MCPH1: variants seen among roughly 807,000 people sequenced by gnomAD.
MCPH1 encodes microcephalin 1.
Under a neutral mutation model 84.5 loss-of-function variants are expected in MCPH1, and 104 were observed. The observed-to-expected ratio is 1.23, with a 90% CI of 1.05 to 1.45. The LOEUF (loss-of-function observed/expected upper bound fraction) is 1.45. Ranked by LOEUF, MCPH1 falls within the 40% of genes most tolerant of loss-of-function variation. The pLI, the probability that MCPH1 is intolerant of heterozygous loss-of-function variation, is 0.00. For missense variants in MCPH1, 1,498 were observed against 1,005.7 expected, an observed-to-expected ratio of 1.49 and a Z score of -6.62; for synonymous variants, 514 against 366.8, an observed-to-expected ratio of 1.40 and a Z score of -4.58.
chr8:6,464,344 C>T (rs2515583), intron 9 of MCPH1, among the ~76,000 whole-genome samples: 2 of 152,044 alleles, frequency 1.3e-5, no homozygotes, highest in African/African-American at 4.8e-5. Flanking sequence ...ACAGCTGCCT[C>T]TTGATAGCCT....
chr8:6,578,515 T>C (rs576618042), intron 12 of MCPH1, among the ~76,000 whole-genome samples: 33 of 152,352 alleles, frequency 2.2e-4, no homozygotes, highest in African/African-American at 7.7e-4. Flanking sequence ...AAATACTTGA[T>C]CATTTTCTAA....
chr8:6,594,840 C>T (rs749968831), intron 12 of MCPH1, among the ~76,000 whole-genome samples: 52 of 152,250 alleles, frequency 3.4e-4, no homozygotes, highest in Non-Finnish European at 5.0e-4. Context: ...GACCTGCCCT[C>T]GGGGTCAGAG....
rs747489687 is a variant in MCPH1, at chr8:6,444,625, CTTGCAAAGAAATA to C, written c.909_921del (p.Arg304ValfsTer3). The C allele has an allele frequency of 7.6e-5, 122 of 1,614,166 alleles. No individual in the cohort carries two copies. The highest frequency in any genetic ancestry group is 2.5e-6 in the Non-Finnish European group (3 of 1,180,020). ...GTAATCTTTCAAAGGAAGAAATAAA[CTTGCAAAGAAATA>C]TTGCAGGTAAAGTAGTCACCCCTGA... On this transcript the variant is annotated frameshift_variant, in exon 8 of 14. Coordinates refer to ENST00000344683, the MANE Select transcript of MCPH1 (RefSeq NM_024596.5). LOFTEE classifies it high-confidence loss of function.
chr8:6,549,823 T>G (rs1823296269), intron 12 of MCPH1, among the ~76,000 whole-genome samples: 1 of 152,190 alleles, frequency 6.6e-6, no homozygotes, highest in African/African-American at 2.4e-5. Context: ...ATACAAAAAT[T>G]TACCAAGTTG....
At chr8:6,492,764 AATT>A (rs1810790173) in intron 11 of MCPH1, among the ~76,000 whole-genome samples, 1 of 149,690 alleles carries the variant, frequency 6.7e-6, no homozygotes, top group Non-Finnish European at 1.5e-5. Context: ...AATATTATAA[AATT>A]AATAATCTTT....
chr8:6,640,898 C>A (rs535478117), intron 13 of MCPH1, among the ~76,000 whole-genome samples: 1 of 152,252 alleles, frequency 6.6e-6, no homozygotes, highest in South Asian at 2.1e-4. Context: ...TGACACTGAC[C>A]TATATTGCCC....
intron 12 of MCPH1, among the ~76,000 whole-genome samples, chr8:6,584,791 A>T (rs1827839083): frequency 1.3e-5 from 2 of 152,218 alleles, no homozygotes. Flanking sequence ...TATTTGGGGA[A>T]GTCCTTGCTT....
At chr8:6,507,252 T>G (rs772820538) in intron 12 of MCPH1, among the ~76,000 whole-genome samples, 1 of 152,192 alleles carries the variant, frequency 6.6e-6, no homozygotes, top group South Asian at 2.1e-4. Flanking sequence ...TCCATTTGTT[T>G]AATGTAGTAA....
chr8:6,518,601 T>A lies in MCPH1; in HGVS notation c.2214+18672T>A, dbSNP rs1586302891. On this transcript the variant is annotated intron_variant, in intron 12 of 13. Coordinates refer to ENST00000344683, the MANE Select transcript of MCPH1 (RefSeq NM_024596.5). The stretch of plus-strand genomic sequence containing the variant: ...TTCCAGGTCTTTAAAACCCTAATGC[T>A]TGTATTTTTAAAGTGTTTTTCTTTG... 3.9e-5 allele frequency among the ~76,000 whole-genome samples: 6 copies of A among 152,332 alleles called. No individual in the cohort carries two copies. In the South Asian group the frequency reaches 1.2e-3, roughly 32 times the overall value.
chr8:6,434,755 C>T (rs548588255), intron 4 of MCPH1, among the ~76,000 whole-genome samples: 41 of 152,272 alleles, frequency 2.7e-4, no homozygotes, highest in Non-Finnish European at 5.6e-4. Context: ...TTAGCGTTTA[C>T]GTGGGTAGCT....
chr8:6,568,004 G>A (rs558799294), intron 12 of MCPH1, among the ~76,000 whole-genome samples: 15 of 152,110 alleles, frequency 9.9e-5, no homozygotes, highest in Middle Eastern at 3.4e-3. Flanking sequence ...ATTCTGTGTC[G>A]GCAACTGACA....
intron 12 of MCPH1, chr8:6,521,446 A>T: frequency 7.2e-7 from 1 of 1,385,864 alleles, no homozygotes; most frequent in Non-Finnish European, 1.0e-6. Flanking sequence ...AGTGAAGGCT[A>T]TTCTAATGAA....
rs148183068 is a variant in MCPH1, at chr8:6,601,261, C to A, written c.2215-20193C>A. Among the ~76,000 whole-genome samples the A allele has an allele frequency of 3.3e-5, 5 of 152,318 alleles. No individual in the cohort carries two copies. In the East Asian group the frequency reaches 9.6e-4, roughly 29 times the overall value. On this transcript the variant is annotated intron_variant, in intron 12 of 13. Coordinates refer to ENST00000344683, the MANE Select transcript of MCPH1 (RefSeq NM_024596.5). ...GCAGGTGCATCTCTGGAAAACAGTT[C>A]TCATCAGGGCACCCTGTGCTTCCCA...
intron 10 of MCPH1, among the ~76,000 whole-genome samples, chr8:6,478,598 C>T (rs552912930): frequency 5.3e-5 from 8 of 152,128 alleles, no homozygotes; most frequent in African/African-American, 1.9e-4. Flanking sequence ...AGAATAAGAC[C>T]TGGACATTCT....
At chr8:6,501,848 G>A (rs991827675) in intron 12 of MCPH1, 7 of 151,396 alleles carry the variant, frequency 4.6e-5, no homozygotes, top group East Asian at 1.9e-4. Context: ...GAGCCACTGC[G>A]CCCAGCCCTG....
chr8:6,455,127 T>G lies in MCPH1; in HGVS notation c.1826-16T>G. The G allele has an allele frequency of 6.3e-7, 1 of 1,597,270 alleles. No homozygotes were observed. The highest frequency in any genetic ancestry group is 8.6e-7 in the Non-Finnish European group (1 of 1,164,658). On this transcript the variant is annotated splice_polypyrimidine_tract_variant and intron_variant, in intron 8 of 13. Coordinates refer to ENST00000344683, the MANE Select transcript of MCPH1 (RefSeq NM_024596.5). ...ATGTAAAGTTCTAACTAATTTTTAA[T>G]CCCCTTGGGTTTTAGGTGTTAAAAA...
chr8:6,612,660 C>G (rs1489580601), intron 12 of MCPH1, among the ~76,000 whole-genome samples: 1 of 152,246 alleles, frequency 6.6e-6, no homozygotes, highest in Non-Finnish European at 1.5e-5. Context: ...TCTGTTCCGA[C>G]CTCCCCTGCC....
chr8:6,542,217 T>C (rs574829438), intron 12 of MCPH1, among the ~76,000 whole-genome samples: 2 of 152,222 alleles, frequency 1.3e-5, no homozygotes, highest in African/African-American at 2.4e-5. Context: ...AGTGTTTTTC[T>C]ATGCCAAATA....
At chr8:6,552,110 G>C (rs192869335) in intron 12 of MCPH1, among the ~76,000 whole-genome samples, 1 of 152,278 alleles carries the variant, frequency 6.6e-6, no homozygotes, top group Non-Finnish European at 1.5e-5. Flanking sequence ...AAGAAATTCT[G>C]AATCTTTTCT....
Sources: gnomAD v4.1 joint callset for allele counts (sites outside exome capture counted in the v4.1 genomes callset) on GRCh38, gnomAD v4.1.1 for gene constraint, MANE v1.5 for transcripts, NCBI Gene and HGNC (gene_info 2026-07-23, HGNC 2026-07-21) for gene names.